Variants in GABRB1 observed in about 807,000 individuals in gnomAD.
The protein encoded by GABRB1 is gamma-aminobutyric acid type A receptor subunit beta1.
In GABRB1, 17 loss-of-function variants were observed where a neutral mutation model predicts 51.6. The observed-to-expected ratio is 0.33, with a 90% CI of 0.23 to 0.49. The LOEUF (loss-of-function observed/expected upper bound fraction) is 0.49. Among genes scored for constraint, GABRB1 ranks in the 20% least tolerant of loss-of-function variants. The pLI is 0.99. For missense variants in GABRB1, 410 were observed against 600.6 expected (o/e 0.68, Z 3.32); for synonymous variants, 247 against 218.9 (o/e 1.13, Z -1.14).
chr4:47,181,530 G>C (rs751126969), intron 4 of GABRB1, among the ~76,000 whole-genome samples: 3 of 151,934 alleles, frequency 2.0e-5, no homozygotes, highest in Admixed American at 1.3e-4. Flanking sequence ...TCTAATTCTC[G>C]TTCCATCATT....
At chr4:47,138,358 T>C (rs989145083) in intron 3 of GABRB1, among the ~76,000 whole-genome samples, 1 of 152,056 alleles carries the variant, frequency 6.6e-6, no homozygotes, top group Non-Finnish European at 1.5e-5. Context: ...TACAGGTATT[T>C]GTCCAGAACC....
At chr4:47,101,444 T>C (rs1468819967) in intron 3 of GABRB1, among the ~76,000 whole-genome samples, 1 of 152,032 alleles carries the variant, frequency 6.6e-6, no homozygotes, top group Non-Finnish European at 1.5e-5. Context: ...ATTAATTTAT[T>C]CCATTTTGGC....
At chr4:47,355,420 G>A (rs943648450) in intron 5 of GABRB1, among the ~76,000 whole-genome samples, 2 of 152,022 alleles carry the variant, frequency 1.3e-5, no homozygotes, top group African/African-American at 4.8e-5. Flanking sequence ...TGCTTCCACT[G>A]TGCCTTTCCA....
chr4:47,024,524 C>T (rs369898705), intron 1 of GABRB1, among the ~76,000 whole-genome samples: 1 of 151,856 alleles, frequency 6.6e-6, no homozygotes, highest in Non-Finnish European at 1.5e-5. Flanking sequence ...GTTTAAAATG[C>T]TGGATGATTT....
intron 4 of GABRB1, among the ~76,000 whole-genome samples, chr4:47,219,862 A>AT (rs1292830400): frequency 6.6e-6 from 1 of 151,822 alleles, no homozygotes; most frequent in Admixed American, 6.6e-5. Flanking sequence ...ATGAGACTGG[A>AT]TTTTTTTCAG....
chr4:47,041,325 G>A (rs750802847), intron 3 of GABRB1, among the ~76,000 whole-genome samples: 2 of 152,116 alleles, frequency 1.3e-5, no homozygotes, highest in South Asian at 4.1e-4. Context: ...CTCCTGGAAA[G>A]AGGAAATCTA....
intron 4 of GABRB1, among the ~76,000 whole-genome samples, chr4:47,241,270 T>A (rs1393555705): frequency 4.0e-5 from 6 of 149,106 alleles, no homozygotes; most frequent in Non-Finnish European, 1.5e-5. Flanking sequence ...AATTTGGGCT[T>A]GGAGGAAAGG....
chr4:47,250,387 T>A (rs1455184588), intron 4 of GABRB1, among the ~76,000 whole-genome samples: 1 of 152,230 alleles, frequency 6.6e-6, no homozygotes, highest in Non-Finnish European at 1.5e-5. Flanking sequence ...CTTAAGAGTC[T>A]TTCCTTCATC....
At chr4:47,034,775 A>G (rs898908718) in intron 3 of GABRB1, among the ~76,000 whole-genome samples, 27 of 152,320 alleles carry the variant, frequency 1.8e-4, no homozygotes, top group African/African-American at 5.5e-4. Flanking sequence ...AGGGTTCTGT[A>G]TAAACACAAC....
At chr4:47,202,482 A>G (rs143369630) in intron 4 of GABRB1, among the ~76,000 whole-genome samples, 2 of 152,324 alleles carry the variant, frequency 1.3e-5, no homozygotes, top group African/African-American at 4.8e-5. Flanking sequence ...TTTGTTGAAT[A>G]CCTTCTATTG....
intron 4 of GABRB1, among the ~76,000 whole-genome samples, chr4:47,213,259 C>A (rs990837501): frequency 6.6e-6 from 1 of 152,124 alleles, no homozygotes; most frequent in Non-Finnish European, 1.5e-5. Flanking sequence ...CTCTAGGAAG[C>A]CAGACAAGCT....
intron 5 of GABRB1, among the ~76,000 whole-genome samples, chr4:47,373,595 C>T (rs1438348933): frequency 1.3e-5 from 2 of 152,088 alleles, no homozygotes; most frequent in African/African-American, 2.4e-5. Context: ...TAAAGAAAAC[C>T]CTTGATTAGG....
At chr4:47,246,940 C>G (rs1211292907) in intron 4 of GABRB1, among the ~76,000 whole-genome samples, 1 of 151,792 alleles carries the variant, frequency 6.6e-6, no homozygotes, top group Non-Finnish European at 1.5e-5. Flanking sequence ...ATCAGATGTA[C>G]AGATTGTGAA....
intron 4 of GABRB1, among the ~76,000 whole-genome samples, chr4:47,231,838 C>T (rs1339054233): frequency 6.6e-6 from 1 of 152,064 alleles, no homozygotes; most frequent in Non-Finnish European, 1.5e-5. Flanking sequence ...GGTATTTTAT[C>T]CATGTTCAAC....
chr4:47,423,583 T>A (rs1177477439), intron 8 of GABRB1, among the ~76,000 whole-genome samples: 2 of 152,186 alleles, frequency 1.3e-5, no homozygotes, highest in African/African-American at 2.4e-5. Flanking sequence ...ACTCAATAAA[T>A]GTTGGGAGAA....
intron 3 of GABRB1, among the ~76,000 whole-genome samples, chr4:47,151,469 A>G (rs1480404839): frequency 1.3e-5 from 2 of 152,032 alleles, no homozygotes; most frequent in Non-Finnish European, 2.9e-5. Context: ...TCAGATTCAT[A>G]TATCCTTTCT....
At chr4:47,165,996 C>T (rs1718167752) in intron 4 of GABRB1, among the ~76,000 whole-genome samples, 1 of 152,018 alleles carries the variant, frequency 6.6e-6, no homozygotes. Context: ...ATCACTTCTA[C>T]CATCTAAATT....
At chr4:47,052,966 A>T (rs1286479493) in intron 3 of GABRB1, among the ~76,000 whole-genome samples, 1 of 152,192 alleles carries the variant, frequency 6.6e-6, no homozygotes, top group Non-Finnish European at 1.5e-5. Flanking sequence ...GAGTAGAATG[A>T]GGCGCTGTTG....
chr4:47,241,634 A>G (rs1192519709), intron 4 of GABRB1, among the ~76,000 whole-genome samples: 1 of 152,182 alleles, frequency 6.6e-6, no homozygotes. Flanking sequence ...GCATATAACC[A>G]TCCCCATAGG....
Sources: gnomAD v4.1 joint callset for allele counts (sites outside exome capture counted in the v4.1 genomes callset) on GRCh38, gnomAD v4.1.1 for gene constraint, MANE v1.5 for transcripts, NCBI Gene and HGNC (gene_info 2026-07-23, HGNC 2026-07-21) for gene names.